The following DOCK4 variants were observed in gnomAD, a reference collection of about 807,000 sequenced individuals.
The protein encoded by DOCK4 is dedicator of cytokinesis 4.
DOCK4 carries 97 observed loss-of-function variants against 268.1 expected under a neutral mutation model. That is an observed-to-expected ratio of 0.36 (90% confidence interval 0.31 to 0.43). The LOEUF (loss-of-function observed/expected upper bound fraction) is 0.43, where lower values mean the gene tolerates loss of function less well. DOCK4 is among the 20% of genes least tolerant of loss of function. DOCK4 has a pLI of 1.00. For missense variants in DOCK4, 2,145 were observed against 2,455.7 expected (o/e 0.87, Z 2.67); for synonymous variants, 954 against 887.2 (o/e 1.08, Z -1.34).
chr7:111,944,860 G>C lies in DOCK4; in HGVS notation c.795C>G (p.Ser265Arg), dbSNP rs748957428. Residue 265 changes from serine to arginine, a missense_variant, in exon 10 of 53, where the codon AGC becomes AGG. Ser to Arg is a moderately radical substitution (Grantham distance 110). Coordinates refer to ENST00000428084, the MANE Select transcript of DOCK4 (RefSeq NM_001363540.2). ...RHCSLFVDLG[S>R]SELRKDIYIT... ...TATAAATGTCCTTTCTTAGCTCACT[G>C]CTGCCCAAATCCTACAAACAAAGAA... is the stretch of plus-strand genomic sequence containing the variant. The C allele has an allele frequency of 1.9e-6, 3 of 1,613,934 alleles. No individual in the cohort carries two copies. Among genetic ancestry groups the C allele is most frequent in the East Asian group, 2.2e-5 (1 of 44,878 alleles).
intron 1 of DOCK4, among the ~76,000 whole-genome samples, chr7:112,181,619 A>G (rs1819043220): frequency 6.9e-6 from 1 of 144,544 alleles, no homozygotes; most frequent in African/African-American, 2.6e-5. Flanking sequence ...CAGCCTGAGC[A>G]ACAGAGTAAG....
At chr7:111,824,198 G>T (rs1802223857) in intron 26 of DOCK4, among the ~76,000 whole-genome samples, 1 of 152,104 alleles carries the variant, frequency 6.6e-6, no homozygotes, top group South Asian at 2.1e-4. Context: ...GGGAGAGTAG[G>T]TCATTAGCTT....
intron 1 of DOCK4, among the ~76,000 whole-genome samples, chr7:112,158,563 A>G (rs1167149089): frequency 6.6e-6 from 1 of 152,218 alleles, no homozygotes; most frequent in East Asian, 1.9e-4. Context: ...TATTGCATTT[A>G]CTTTTCTAAA....
At chr7:112,064,530 G>C (rs934214172) in intron 1 of DOCK4, among the ~76,000 whole-genome samples, 1 of 152,132 alleles carries the variant, frequency 6.6e-6, no homozygotes, top group Non-Finnish European at 1.5e-5. Flanking sequence ...TTTTGTTTAG[G>C]GTTATTTCAA....
chr7:111,869,710 A>G, intron 20 of DOCK4, 55 bp from the exon 21 acceptor site: 5 of 1,463,248 alleles, frequency 3.4e-6, no homozygotes, highest in Non-Finnish European at 4.8e-6. Context: ...TCTCAATTAA[A>G]TGCCAACAAA....
chr7:112,171,973 G>A (rs1167724641), intron 1 of DOCK4, among the ~76,000 whole-genome samples: 1 of 152,076 alleles, frequency 6.6e-6, no homozygotes, highest in Non-Finnish European at 1.5e-5. Context: ...ACGCATCCCT[G>A]GTGTCTCCTT....
intron 16 of DOCK4, among the ~76,000 whole-genome samples, chr7:111,894,365 A>G (rs1808554429): frequency 6.6e-6 from 1 of 152,242 alleles, no homozygotes; most frequent in Non-Finnish European, 1.5e-5. Context: ...ACAGGCCAGA[A>G]TCCCTTTACA....
At chr7:111,740,389 C>T (rs1795825386) in intron 47 of DOCK4, among the ~76,000 whole-genome samples, 1 of 151,176 alleles carries the variant, frequency 6.6e-6, no homozygotes, top group African/African-American at 2.4e-5. Flanking sequence ...GCATGAGCCA[C>T]TGCACCTAGC....
At chr7:111,868,933 T>C (rs1381226987) in intron 21 of DOCK4, among the ~76,000 whole-genome samples, 1 of 152,192 alleles carries the variant, frequency 6.6e-6, no homozygotes, top group African/African-American at 2.4e-5. Flanking sequence ...ATAAAATGTA[T>C]ACATTGTCTA....
chr7:112,092,942 T>C (rs7805672), intron 1 of DOCK4, among the ~76,000 whole-genome samples: 48,435 of 151,936 alleles, frequency 0.32, 8,395 homozygotes, highest in Non-Finnish European at 0.39. Context: ...AATACTGAAA[T>C]CTTTACCTGC....
At chr7:111,732,353 C>A (rs1186687186) in intron 51 of DOCK4, 66 bp from the exon 52 acceptor site, 3 of 1,545,014 alleles carry the variant, frequency 1.9e-6, no homozygotes, top group Non-Finnish European at 2.7e-6. Context: ...TCTGCACATG[C>A]CCTCTGTGTT....
intron 1 of DOCK4, among the ~76,000 whole-genome samples, chr7:112,109,539 C>T (rs544897590): frequency 6.6e-6 from 1 of 152,190 alleles, no homozygotes; most frequent in South Asian, 2.1e-4. Flanking sequence ...CCTGGGCTAC[C>T]TGCTCTCTCA....
At chr7:111,931,781 A>T (rs2134675352) in intron 12 of DOCK4, among the ~76,000 whole-genome samples, 1 of 152,354 alleles carries the variant, frequency 6.6e-6, no homozygotes, top group East Asian at 1.9e-4. Flanking sequence ...TAAAGTGGGT[A>T]AACAATAATA....
intron 1 of DOCK4, among the ~76,000 whole-genome samples, chr7:112,065,208 T>G (rs369301168): frequency 5.7e-4 from 87 of 152,076 alleles, no homozygotes; most frequent in African/African-American, 2.0e-3. Context: ...CTAACCACAT[T>G]CCAGACTCAC....
intron 8 of DOCK4, among the ~76,000 whole-genome samples, chr7:111,951,877 A>T (rs1358815963): frequency 6.6e-6 from 1 of 152,028 alleles, no homozygotes; most frequent in African/African-American, 2.4e-5. Context: ...CAAAAAAAAG[A>T]AAGAAATGGA....
chr7:111,918,848 C>A (rs17158995), intron 12 of DOCK4, among the ~76,000 whole-genome samples: 2 of 152,050 alleles, frequency 1.3e-5, no homozygotes, highest in African/African-American at 4.8e-5. Context: ...CAGAATAAGA[C>A]GAATTTAACA....
chr7:111,895,666 C>T lies in DOCK4; in HGVS notation c.1533G>A (p.Met511Ile). 1 of 1,613,954 alleles carries T rather than the reference C, an allele frequency of 6.2e-7. No individual in the cohort carries two copies. Among genetic ancestry groups the T allele is most frequent in the Non-Finnish European group, 8.5e-7 (1 of 1,179,858 alleles). The stretch of plus-strand genomic sequence containing the variant: ...CTGGAAGAGTCCTACCATCTTCTTG[C>T]ATCAGAGGGACAAAAGAAAACCCAA... ...KLFGFSFVPL[M>I]QEDGRTLPDG... The change falls in exon 16 of 53, where the codon ATG becomes ATA. Residue 511 changes from methionine to isoleucine, a missense_variant. Coordinates refer to ENST00000428084, the MANE Select transcript of DOCK4 (RefSeq NM_001363540.2).
chr7:112,126,330 T>A (rs1813211694), intron 1 of DOCK4, among the ~76,000 whole-genome samples: 1 of 152,146 alleles, frequency 6.6e-6, no homozygotes, highest in Non-Finnish European at 1.5e-5. Flanking sequence ...TATTATCATC[T>A]CCACATTAGA....
At chr7:111,732,891 T>C (rs1328030871) in intron 51 of DOCK4, among the ~76,000 whole-genome samples, 1 of 152,250 alleles carries the variant, frequency 6.6e-6, no homozygotes, top group Non-Finnish European at 1.5e-5. Flanking sequence ...TGGGTCTCTA[T>C]GGATTTCATC....
Sources: allele counts gnomAD v4.1 joint callset (sites outside exome capture counted in the v4.1 genomes callset), GRCh38; gene constraint gnomAD v4.1.1; transcripts MANE v1.5; gene names NCBI Gene and HGNC (gene_info 2026-07-23, HGNC 2026-07-21).